EIF3H: variants seen among roughly 807,000 people sequenced by gnomAD.
The protein encoded by EIF3H is eukaryotic translation initiation factor 3 subunit H.
EIF3H carries 26 observed loss-of-function variants against 44.2 expected under a neutral mutation model. That is an observed-to-expected ratio of 0.59 (90% confidence interval 0.43 to 0.82). The LOEUF is 0.82. EIF3H is among the 40% of genes least tolerant of loss of function. The pLI is 0.00. For synonymous variants in EIF3H, 166 were observed against 151.9 expected, an observed-to-expected ratio of 1.09 and a Z score of -0.68; for missense variants, 359 against 432.8, an observed-to-expected ratio of 0.83 and a Z score of 1.51.
chr8:116,723,044 C>T (rs773508304), intron 2 of EIF3H, among the ~76,000 whole-genome samples: 33 of 152,014 alleles, frequency 2.2e-4, no homozygotes, highest in Admixed American at 1.3e-3. Flanking sequence ...TTGTTTCGTT[C>T]GCCTACCATA....
chr8:116,737,233 G>A (rs562486932), intron 1 of EIF3H: 40 of 445,414 alleles, frequency 9.0e-5, no homozygotes, highest in South Asian at 4.1e-4. Flanking sequence ...AAAGATCTAC[G>A]AACCTCTTAA....
At chr8:116,764,022 T>A (rs10808485) in intron 1 of EIF3H, among the ~76,000 whole-genome samples, 82,612 of 151,932 alleles carry the variant, frequency 0.54, 24,454 homozygotes, top group Non-Finnish European at 0.67. Context: ...TTCAAAATCA[T>A]GTACAACAGC....
intron 2 of EIF3H, among the ~76,000 whole-genome samples, chr8:116,668,478 C>T (rs1813702752): frequency 6.6e-6 from 1 of 152,156 alleles, no homozygotes; most frequent in Admixed American, 6.5e-5. Flanking sequence ...CATATACATA[C>T]ATACATAGTG....
At chr8:116,721,930 T>G (rs1465580656) in intron 2 of EIF3H, among the ~76,000 whole-genome samples, 2 of 152,204 alleles carry the variant, frequency 1.3e-5, no homozygotes, top group Non-Finnish European at 2.9e-5. Flanking sequence ...CAGATGAGAC[T>G]TTTGACTGTG....
rs1191363992 is a variant in EIF3H, at chr8:116,643,449, C to T, written c.*1557G>A. The T allele has an allele frequency of 6.6e-6, 1 of 152,212 alleles. No homozygotes were observed. The highest frequency in any genetic ancestry group is 1.5e-5 in the Non-Finnish European group (1 of 68,040). The allele number at this position is 152,212 out of a possible 1,614,324, so 9.4% of individuals were successfully genotyped here. A position where few individuals can be genotyped will look rare whatever the true frequency, so the allele number is the denominator to read the frequency against. Reference sequence around the variant, plus strand: ...GCCCTGAGCTTTTTAAAGTAAAACCCAGCCAACAACCCAACATCCTGGAAG... The same window carrying T: ...GCCCTGAGCTTTTTAAAGTAAAACCTAGCCAACAACCCAACATCCTGGAAG... On this transcript the variant is annotated 3_prime_UTR_variant, in exon 8 of 8. Coordinates refer to ENST00000521861, the MANE Select transcript of EIF3H (RefSeq NM_003756.3).
In EIF3H at chr8:116,753,519, T is replaced by A. The variant is rs1815392558; in HGVS notation, c.132+2147A>T. ...CCACAGTAAATGAGTAAATCAACATTTACATGTATATAAACCAATCTCCTG... is the reference window on the plus strand; with the variant it reads ...CCACAGTAAATGAGTAAATCAACATATACATGTATATAAACCAATCTCCTG... On this transcript the variant is annotated intron_variant, in intron 1 of 7. Coordinates refer to ENST00000521861, the MANE Select transcript of EIF3H (RefSeq NM_003756.3). Among the ~76,000 whole-genome samples the A allele has an allele frequency of 2.0e-5, 3 of 152,312 alleles. No individual in the cohort carries two copies. In the South Asian group the frequency reaches 6.2e-4, roughly 32 times the overall value.
chr8:116,718,266 G>A (rs1398416642), intron 2 of EIF3H, among the ~76,000 whole-genome samples: 1 of 152,044 alleles, frequency 6.6e-6, no homozygotes, highest in Non-Finnish European at 1.5e-5. Context: ...CACTTTTGGT[G>A]GGAATGTAAA....
rs1300809731 is a variant in EIF3H, at chr8:116,673,019, A to AC, written c.290-14040_290-14039insG. ...TTTTAATAAAATTACAAAAAAAAAA[A>AC]AAAAACACCACAAAAAACTGCTGTG... is the stretch of plus-strand genomic sequence containing the variant. On this transcript the variant is annotated intron_variant, in intron 2 of 7. Coordinates refer to ENST00000521861, the MANE Select transcript of EIF3H (RefSeq NM_003756.3). Among the ~76,000 whole-genome samples, 8 of 151,558 alleles carry AC rather than the reference A, an allele frequency of 5.3e-5. 1 individual carries two copies. In the South Asian group the frequency reaches 1.0e-3, roughly 20 times the overall value.
In EIF3H at chr8:116,726,066, T is replaced by C. The variant is rs776428662; in HGVS notation, c.239A>G (p.Asn80Ser). Residue 80 changes from asparagine to serine, a missense_variant, in exon 2 of 8, where the codon AAC becomes AGC. Physicochemically the swap from Asn to Ser is conservative, Grantham distance 46. Coordinates refer to ENST00000521861, the MANE Select transcript of EIF3H (RefSeq NM_003756.3). ...TGTGTGCTGAGGGAAAGGAAAGCAG[T>C]TGGTAATTTCAAGCCGATCTTCTAC... Reference protein sequence around the residue: ...LVVEDRLEITNCFPFPQHTED... With the variant: ...LVVEDRLEITSCFPFPQHTED... 2.5e-6 allele frequency: 4 copies of C among 1,613,926 alleles called. No homozygotes were observed. Among genetic ancestry groups the C allele is most frequent in the Admixed American group, 1.7e-5 (1 of 59,980 alleles).
chr8:116,690,561 G>T (rs1814157271), intron 2 of EIF3H, among the ~76,000 whole-genome samples: 1 of 152,082 alleles, frequency 6.6e-6, no homozygotes, highest in African/African-American at 2.4e-5. Flanking sequence ...TTGAAAAGAA[G>T]TTCTAACTGA....
At chr8:116,748,661 T>C (rs1815279534) in intron 1 of EIF3H, among the ~76,000 whole-genome samples, 1 of 152,202 alleles carries the variant, frequency 6.6e-6, no homozygotes, top group African/African-American at 2.4e-5. Flanking sequence ...CTGACATGGG[T>C]GCCACTTTCA....
chr8:116,667,464 C>A (rs372192187), intron 2 of EIF3H, among the ~76,000 whole-genome samples: 535 of 138,178 alleles, frequency 3.9e-3, no homozygotes, highest in Non-Finnish European at 4.7e-3. Context: ...TACAACTTCA[C>A]AAAAAAAAAA....
At chr8:116,657,902 C>G (rs768588103) in intron 3 of EIF3H, 1 of 152,524 alleles carries the variant, frequency 6.6e-6, no homozygotes, top group South Asian at 2.1e-4. Context: ...AGTAAGGGAG[C>G]TTAGCACTTG....
intron 2 of EIF3H, among the ~76,000 whole-genome samples, chr8:116,674,067 C>CAAAAAAAAA (rs59899280): frequency 4.8e-4 from 24 of 49,664 alleles, no homozygotes; most frequent in African/African-American, 2.0e-3. Context: ...AAGACTGTCT[C>CAAAAAAAAA]AAAAAAAAAA....
At chr8:116,660,946 C>T (rs562532580) in intron 2 of EIF3H, among the ~76,000 whole-genome samples, 1 of 152,072 alleles carries the variant, frequency 6.6e-6, no homozygotes, top group Non-Finnish European at 1.5e-5. Context: ...ATATGACAGC[C>T]GAAAAAGCAG....
chr8:116,722,058 T>C (rs1341982359), intron 2 of EIF3H, among the ~76,000 whole-genome samples: 1 of 152,162 alleles, frequency 6.6e-6, no homozygotes. Context: ...ATGATATGGT[T>C]TGGCTGTGTT....
chr8:116,685,810 C>A (rs533267387), intron 2 of EIF3H, among the ~76,000 whole-genome samples: 1 of 152,282 alleles, frequency 6.6e-6, no homozygotes, highest in African/African-American at 2.4e-5. Flanking sequence ...AATTGCCTTA[C>A]ATTTGTGACA....
chr8:116,676,301 C>T lies in EIF3H; in HGVS notation c.290-17321G>A, dbSNP rs1813845225. 2.6e-5 allele frequency among the ~76,000 whole-genome samples: 4 copies of T among 152,304 alleles called. No homozygotes were observed. The South Asian group carries it at 8.3e-4, about 32-fold the overall frequency. The stretch of plus-strand genomic sequence containing the variant: ...TTTTTATACTGCTATAAAGAACTGC[C>T]TGAGACTAGGCTGTGTAATCTAGAA... On this transcript the variant is annotated intron_variant, in intron 2 of 7. Coordinates refer to ENST00000521861, the MANE Select transcript of EIF3H (RefSeq NM_003756.3).
At chr8:116,754,823 T>G (rs374241708) in intron 1 of EIF3H, among the ~76,000 whole-genome samples, 1 of 152,252 alleles carries the variant, frequency 6.6e-6, no homozygotes, top group African/African-American at 2.4e-5. Flanking sequence ...TAAAAATACC[T>G]GCTTGCAATT....
Sources: allele counts gnomAD v4.1 joint callset (sites outside exome capture counted in the v4.1 genomes callset), GRCh38; gene constraint gnomAD v4.1.1; transcripts MANE v1.5; gene names NCBI Gene and HGNC (gene_info 2026-07-23, HGNC 2026-07-21).